The following SGCZ variants were observed in gnomAD, a reference collection of about 807,000 sequenced individuals.
SGCZ encodes the protein zeta-sarcoglycan.
Under a neutral mutation model 41.3 loss-of-function variants are expected in SGCZ, and 40 were observed. The ratio of observed to expected loss-of-function variants is 0.97; its 90% CI spans 0.75 to 1.26. The LOEUF is 1.26. Ranked by LOEUF, SGCZ falls within the 50% of genes most tolerant of loss-of-function variation. The probability of loss-of-function intolerance (pLI) is 0.00; values close to 1 mark genes in which losing one functional copy is unlikely to be tolerated. For missense variants in SGCZ, 552 were observed against 369.8 expected, an observed-to-expected ratio of 1.49 and a Z score of -4.04; for synonymous variants, 206 against 137.5, an observed-to-expected ratio of 1.50 and a Z score of -3.49.
intron 1 of SGCZ, among the ~76,000 whole-genome samples, chr8:15,089,159 A>T (rs11990043): frequency 0.06 from 9,167 of 152,226 alleles, 654 homozygotes; most frequent in African/African-American, 0.17. Flanking sequence ...AGACAAGCAC[A>T]TATTACTAAC....
At chr8:15,092,752 C>T (rs904155746) in intron 1 of SGCZ, among the ~76,000 whole-genome samples, 1 of 152,100 alleles carries the variant, frequency 6.6e-6, no homozygotes, top group Admixed American at 6.5e-5. Flanking sequence ...CTCTCTATTA[C>T]ACATTGATCA....
intron 4 of SGCZ, among the ~76,000 whole-genome samples, chr8:14,168,563 T>TAAGA (rs757649578): frequency 6.6e-6 from 1 of 152,142 alleles, no homozygotes; most frequent in Non-Finnish European, 1.5e-5. Context: ...GGCTGCCACG[T>TAAGA]AAGATGTGAC....
Position 14,424,442 on chromosome 8 carries a change from A to G in SGCZ, c.235-100238T>C, listed in dbSNP as rs1799720388. On this transcript the variant is annotated intron_variant, in intron 2 of 7. Coordinates refer to ENST00000382080, the MANE Select transcript of SGCZ (RefSeq NM_139167.4). ...TAATTAGAAATTAAACGTCCTATCA[A>G]AAGAAGTGGATCTTCTCCACCCCAT... is the stretch of plus-strand genomic sequence containing the variant. Among the ~76,000 whole-genome samples the G allele has an allele frequency of 2.0e-5, 3 of 152,188 alleles. No individual in the cohort carries two copies. The South Asian group carries it at 6.2e-4, about 31-fold the overall frequency.
intron 3 of SGCZ, chr8:14,309,286 TGACTACTCACTTTTTAAG>T (rs1801448110): frequency 6.4e-7 from 1 of 1,569,934 alleles, no homozygotes; most frequent in African/African-American, 1.4e-5. Context: ...TGCCTGGCTG[TGACTACTCACTTTTTAAG>T]GATGGTATTG....
At chr8:14,362,106 C>A (rs1324630211) in intron 2 of SGCZ, among the ~76,000 whole-genome samples, 1 of 152,168 alleles carries the variant, frequency 6.6e-6, no homozygotes, top group African/African-American at 2.4e-5. Context: ...TCAGCCCCTA[C>A]TGGGAGGTGT....
chr8:14,086,656 G>C lies in SGCZ; in HGVS notation c.*3787C>G, dbSNP rs1055885001. Among the ~76,000 whole-genome samples the C allele has an allele frequency of 6.6e-6, 1 of 151,444 alleles. No homozygotes were observed. The highest frequency in any genetic ancestry group is 1.5e-5 in the Non-Finnish European group (1 of 67,694). On this transcript the variant is annotated 3_prime_UTR_variant, in exon 8 of 8. Transcript: ENST00000382080. ...CAAATGCATTATTTTCCTTTTTAAC[G>C]TCAACCATATTACTGAATCCTGTTA...
At chr8:15,027,589 A>C (rs1178568774) in intron 1 of SGCZ, among the ~76,000 whole-genome samples, 1 of 152,038 alleles carries the variant, frequency 6.6e-6, no homozygotes, top group Non-Finnish European at 1.5e-5. Flanking sequence ...AGATGTGGAG[A>C]AGTCACACAA....
intron 5 of SGCZ, among the ~76,000 whole-genome samples, chr8:14,147,656 G>A (rs887171390): frequency 2.6e-5 from 4 of 152,060 alleles, no homozygotes; most frequent in African/African-American, 7.2e-5. Flanking sequence ...ACCTATCCTC[G>A]AGACAGAAAA....
intron 1 of SGCZ, among the ~76,000 whole-genome samples, chr8:15,195,588 A>G (rs1800696832): frequency 6.6e-6 from 1 of 152,176 alleles, no homozygotes; most frequent in African/African-American, 2.4e-5. Context: ...TTTGGTGACA[A>G]GAGTCCGTGC....
chr8:14,157,984 C>T (rs565416925), intron 5 of SGCZ, among the ~76,000 whole-genome samples: 1 of 152,116 alleles, frequency 6.6e-6, no homozygotes, highest in Non-Finnish European at 1.5e-5. Flanking sequence ...GAGTTTGAGA[C>T]CAGCCTGGCC....
At chr8:14,840,250 C>T (rs1481886574) in intron 1 of SGCZ, among the ~76,000 whole-genome samples, 3 of 152,046 alleles carry the variant, frequency 2.0e-5, no homozygotes, top group East Asian at 3.9e-4. Flanking sequence ...AGTGAAGTCT[C>T]CTTGCCACCT....
intron 4 of SGCZ, among the ~76,000 whole-genome samples, chr8:14,202,572 C>A (rs2059675): frequency 0.71 from 107,898 of 151,976 alleles, 39,100 homozygotes; most frequent in African/African-American, 0.84. Context: ...CAGATCAATG[C>A]AGTAAGTTTT....
At chr8:15,000,132 G>C (rs1802362564) in intron 1 of SGCZ, among the ~76,000 whole-genome samples, 1 of 152,096 alleles carries the variant, frequency 6.6e-6, no homozygotes, top group Non-Finnish European at 1.5e-5. Context: ...CACTGACAAA[G>C]AAAAAATCAT....
chr8:14,519,823 T>C (rs1229020704), intron 2 of SGCZ, among the ~76,000 whole-genome samples: 1 of 152,164 alleles, frequency 6.6e-6, no homozygotes, highest in Non-Finnish European at 1.5e-5. Context: ...CATTTTAAAA[T>C]AAAGCGTGGC....
chr8:14,217,245 G>A (rs910501110), intron 4 of SGCZ, among the ~76,000 whole-genome samples: 16 of 132,812 alleles, frequency 1.2e-4, no homozygotes, highest in African/African-American at 2.5e-4. Flanking sequence ...GCAGTGAGCC[G>A]AGATTGCACC....
chr8:14,665,214 C>T (rs1302705596), intron 1 of SGCZ, among the ~76,000 whole-genome samples: 1 of 152,052 alleles, frequency 6.6e-6, no homozygotes, highest in Non-Finnish European at 1.5e-5. Context: ...TTCCTGTGTC[C>T]ATGTGTTCTC....
chr8:14,292,770 T>C (rs914324415), intron 3 of SGCZ, among the ~76,000 whole-genome samples: 1 of 151,892 alleles, frequency 6.6e-6, no homozygotes, highest in African/African-American at 2.4e-5. Context: ...GGAAAAATAA[T>C]AACACCAATA....
At chr8:14,642,378 C>A (rs1248143789) in intron 1 of SGCZ, among the ~76,000 whole-genome samples, 1 of 151,510 alleles carries the variant, frequency 6.6e-6, no homozygotes, top group Non-Finnish European at 1.5e-5. Flanking sequence ...TGGTCACACC[C>A]ATTTTTAATA....
intron 2 of SGCZ, among the ~76,000 whole-genome samples, chr8:14,331,911 T>C (rs978265683): frequency 6.6e-6 from 1 of 151,892 alleles, no homozygotes; most frequent in South Asian, 2.1e-4. Context: ...ACAGGAAATA[T>C]GTATCAGGGA....
Sources: gnomAD v4.1 joint callset for allele counts (sites outside exome capture counted in the v4.1 genomes callset) on GRCh38, gnomAD v4.1.1 for gene constraint, MANE v1.5 for transcripts, NCBI Gene and HGNC (gene_info 2026-07-23, HGNC 2026-07-21) for gene names.